SH2D3A: variants seen among roughly 807,000 people sequenced by gnomAD.
The protein encoded by SH2D3A is SH2 domain containing 3A.
In SH2D3A, 46 loss-of-function variants were observed where a neutral mutation model predicts 50.6. That is an observed-to-expected ratio of 0.91 (90% CI 0.72 to 1.16). The LOEUF (loss-of-function observed/expected upper bound fraction) is 1.16, where lower values mean the gene tolerates loss of function less well. Ranked by LOEUF, SH2D3A falls within the 50% of genes most tolerant of loss-of-function variation. SH2D3A has a pLI of 0.00. For missense variants in SH2D3A, 783 were observed against 786.2 expected (o/e 1.00, Z 0.05); for synonymous variants, 377 against 348.4 (o/e 1.08, Z -0.91).
rs779606354 is a variant in SH2D3A, at chr19:6,754,845, A to C, written c.967T>G (p.Leu323Val). 1 of 1,602,350 alleles carries C rather than the reference A, an allele frequency of 6.2e-7. No individual in the cohort carries two copies. The highest frequency in any genetic ancestry group is 1.3e-5 in the African/African-American group (1 of 74,712). ...HPGSTALHLL[L>V]VDCQATGLLG... ...AGGTGACCCACCTGGCAGTCTACCA[A>C]TAGCAGGTGAAGGGCGGTGCTCCCA... The change falls in exon 5 of 10, where the codon TTG becomes GTG. Residue 323 changes from leucine (L) to valine (V), a missense_variant. Coordinates refer to ENST00000245908, the MANE Select transcript of SH2D3A (RefSeq NM_005490.3).
Position 6,753,453 on chromosome 19 carries a change from C to A in SH2D3A, c.1570+3G>T, listed in dbSNP as rs1969444297. 3 of 1,498,802 alleles carry A rather than the reference C, an allele frequency of 2.0e-6. No individual in the cohort carries two copies. The highest frequency in any genetic ancestry group is 2.7e-6 in the Non-Finnish European group (3 of 1,117,274). 92.8% of individuals were successfully genotyped at this position (1,498,802 alleles called of 1,614,324 possible). On this transcript the variant is annotated splice_donor_region_variant and intron_variant, in intron 9 of 9. Transcript: ENST00000245908. ...TGCAGTCCAGCGCAGAGGGAACGCT[C>A]ACCTCGCAGGCGCTGGGCTGCCACC...
intron 3 of SH2D3A, 92 bp from the exon 4 acceptor site, chr19:6,759,762 C>T: frequency 7.7e-7 from 1 of 1,297,654 alleles, no homozygotes; most frequent in Non-Finnish European, 1.1e-6. Flanking sequence ...TTACTCTGTA[C>T]CAGTGAGTCT....
intron 4 of SH2D3A, among the ~76,000 whole-genome samples, chr19:6,756,782 G>T (rs1415796430): frequency 6.6e-6 from 1 of 152,030 alleles, no homozygotes. Flanking sequence ...CTGAGCCCCA[G>T]GGTCTCTCTC....
At chr19:6,756,118 T>G (rs895652360) in intron 4 of SH2D3A, among the ~76,000 whole-genome samples, 2 of 148,836 alleles carry the variant, frequency 1.3e-5, no homozygotes, top group African/African-American at 4.9e-5. Context: ...GTGATATATC[T>G]CTCTATATCA....
intron 1 of SH2D3A, 104 bp downstream of exon 1, chr19:6,767,283 C>T (rs977212079): frequency 2.0e-5 from 3 of 152,358 alleles, no homozygotes; most frequent in Admixed American, 6.5e-5. Flanking sequence ...GAGGCGACCT[C>T]TTCTACCCCA....
chr19:6,754,327 GCCAGCTCTA>G lies in SH2D3A; in HGVS notation c.1187_1195del (p.Val396_Leu398del). On this transcript the variant is annotated inframe_deletion, in exon 7 of 10. Transcript: ENST00000245908. ...CGCCGCCCCTGGCCGCAGCGCCAGCGCCAGCTCTACCAGTCCCCTCAGTGCGGCTGCGCG... is the reference window on the plus strand; with the variant it reads ...CGCCGCCCCTGGCCGCAGCGCCAGCGCCAGTCCCCTCAGTGCGGCTGCGCG... 1.3e-6 allele frequency: 2 copies of G among 1,572,798 alleles called. No individual in the cohort carries two copies. Among genetic ancestry groups the G allele is most frequent in the Non-Finnish European group, 1.7e-6 (2 of 1,165,784 alleles).
chr19:6,755,186 G>A lies in SH2D3A; in HGVS notation c.626C>T (p.Ala209Val). The A allele has an allele frequency of 6.3e-7, 1 of 1,592,976 alleles. No homozygotes were observed. Among genetic ancestry groups the A allele is most frequent in the Non-Finnish European group, 8.6e-7 (1 of 1,167,574 alleles). The part of the protein sequence containing the change: ...RASDGQLQAK[A>V]PTKPPRTPSF... ...GGGTGTCCGGGGGGGCTTCGTTGGTGCCTTGGCTTGAAGCTGCCCATCGGA... is the reference window on the plus strand; with the variant it reads ...GGGTGTCCGGGGGGGCTTCGTTGGTACCTTGGCTTGAAGCTGCCCATCGGA... The change falls in exon 5 of 10, where the codon GCA becomes GTA. Residue 209 changes from alanine (A) to valine (V), a missense_variant. By Grantham distance (64) the Ala-to-Val change is moderately conservative. Transcript: ENST00000245908.
At chr19:6,752,803 GCCCCTCCCAA>G in intron 9 of SH2D3A, 50 bp from the exon 10 acceptor site, 2 of 1,469,096 alleles carry the variant, frequency 1.4e-6, no homozygotes, top group Non-Finnish European at 1.8e-6. Flanking sequence ...CGCCCGCCTC[GCCCCTCCCAA>G]CCTCCCGGCA....
rs781513427 is a variant in SH2D3A, at chr19:6,754,860, C to T, written c.952G>A (p.Ala318Thr). The change falls in exon 5 of 10, where the codon GCC (alanine) becomes ACC (threonine). Residue 318 changes from alanine (A) to threonine (T), a missense_variant. Ala to Thr is a moderately conservative substitution (Grantham distance 58). Transcript: ENST00000245908. ...CAGTCTACCAATAGCAGGTGAAGGGCGGTGCTCCCAGGATGGTGCTCCAGG... is the reference window on the plus strand; with the variant it reads ...CAGTCTACCAATAGCAGGTGAAGGGTGGTGCTCCCAGGATGGTGCTCCAGG... Reference protein sequence around the residue: ...LFLEHHPGSTALHLLLVDCQA... With the variant: ...LFLEHHPGSTTLHLLLVDCQA... The T allele has an allele frequency of 1.1e-5, 17 of 1,598,156 alleles. No individual in the cohort carries two copies. Among genetic ancestry groups the T allele is most frequent in the Middle Eastern group, 1.7e-4 (1 of 5,976 alleles).
intron 2 of SH2D3A, 30 bp downstream of exon 2, chr19:6,763,650 A>G: frequency 6.2e-7 from 1 of 1,605,402 alleles, no homozygotes; most frequent in Non-Finnish European, 8.5e-7. Context: ...TCCCCACCAG[A>G]TGGTGCTGAG....
chr19:6,753,868 C>T (rs765397996), intron 8 of SH2D3A, among the ~76,000 whole-genome samples, 184 bp downstream of exon 8: 9 of 151,620 alleles, frequency 5.9e-5, no homozygotes, highest in Non-Finnish European at 8.8e-5. Context: ...GGCCTAGGAA[C>T]AAGTCTCGTG....
chr19:6,753,297 G>A (rs769290112), intron 9 of SH2D3A, 159 bp downstream of exon 9: 31 of 985,262 alleles, frequency 3.1e-5, no homozygotes, highest in Non-Finnish European at 3.4e-5. Context: ...CGTTTGCTTG[G>A]GGTGAGAACC....
At chr19:6,761,965 C>CAAAAAAAAAAAAAAA (rs759411762) in intron 2 of SH2D3A, among the ~76,000 whole-genome samples, 19 of 101,594 alleles carry the variant, frequency 1.9e-4, no homozygotes, top group African/African-American at 6.8e-4. Context: ...AAAAAAAAAA[C>CAAAAAAAAAAAAAAA]AAAAAAAAAA....
intron 4 of SH2D3A, among the ~76,000 whole-genome samples, chr19:6,756,353 A>C (rs535200799): frequency 6.6e-6 from 1 of 151,544 alleles, no homozygotes; most frequent in East Asian, 1.9e-4. Flanking sequence ...TAGAGAGACA[A>C]AGTATAAAAA....
intron 8 of SH2D3A, 108 bp from the exon 9 acceptor site, chr19:6,753,749 G>A: frequency 8.2e-7 from 1 of 1,223,086 alleles, no homozygotes; most frequent in Non-Finnish European, 1.1e-6. Flanking sequence ...GAGCGACAGC[G>A]GGGTCTGTGG....
chr19:6,754,353 G>T lies in SH2D3A; in HGVS notation c.1170C>A (p.Ala390=). 6.4e-7 allele frequency: 1 copy of T among 1,568,814 alleles called. No homozygotes were observed. The highest frequency in any genetic ancestry group is 8.6e-7 in the Non-Finnish European group (1 of 1,164,168). The change falls in exon 7 of 10, where the codon GCC becomes GCA. Residue 390 remains alanine (A), a synonymous_variant. Transcript: ENST00000245908. Reference sequence around the variant, plus strand: ...CCAGCTCTACCAGTCCCCTCAGTGCGGCTGCGCGCTCCTCCAGCGGCCCCG... The same window carrying T: ...CCAGCTCTACCAGTCCCCTCAGTGCTGCTGCGCGCTCCTCCAGCGGCCCCG... The part of the protein sequence containing the change: ...GCSGPLEERA[A]ALRGLVELAL...
At chr19:6,754,564 G>A in intron 6 of SH2D3A, 52 bp downstream of exon 6, 2 of 1,609,400 alleles carry the variant, frequency 1.2e-6, no homozygotes, top group Non-Finnish European at 1.7e-6. Context: ...GAGATCTTGG[G>A]AAGTGGGGGG....
chr19:6,759,427 T>C (rs1444662944), intron 4 of SH2D3A, 167 bp downstream of exon 4: 1 of 642,676 alleles, frequency 1.6e-6, no homozygotes, highest in Non-Finnish European at 2.7e-6. Flanking sequence ...AAACACACAT[T>C]TTAAGCACCC....
At chr19:6,755,884 G>A (rs182410426) in intron 4 of SH2D3A, among the ~76,000 whole-genome samples, 5 of 151,280 alleles carry the variant, frequency 3.3e-5, no homozygotes, top group Non-Finnish European at 2.9e-5. Flanking sequence ...TTCCAGACCA[G>A]CCTGGGCAAC....
Sources: gnomAD v4.1 joint callset for allele counts (sites outside exome capture counted in the v4.1 genomes callset) on GRCh38, gnomAD v4.1.1 for gene constraint, MANE v1.5 for transcripts, NCBI Gene and HGNC (gene_info 2026-07-23, HGNC 2026-07-21) for gene names.